The following DLGAP2 variants were observed in gnomAD, a reference collection of about 807,000 sequenced individuals.
DLGAP2 encodes the protein DLG associated protein 2, also known as disks large-associated protein 2.
A neutral mutation model predicts 100.3 loss-of-function variants in DLGAP2; 26 were observed. That is an observed-to-expected ratio of 0.26 (90% CI 0.19 to 0.36). The LOEUF (loss-of-function observed/expected upper bound fraction) is 0.36. DLGAP2 is among the 10% of genes least tolerant of loss of function. DLGAP2 has a pLI of 1.00. For missense variants in DLGAP2, 1,858 were observed against 1,453.2 expected (o/e 1.28, Z -4.53); for synonymous variants, 886 against 630.1 (o/e 1.41, Z -6.08).
intron 3 of DLGAP2, among the ~76,000 whole-genome samples, chr8:1,351,008 C>G (rs1282892131): frequency 1.4e-4 from 5 of 35,756 alleles, no homozygotes; most frequent in South Asian, 1.6e-3. Flanking sequence ...CGGGTCCTGA[C>G]TGTGTGTGGA....
chr8:1,313,730 A>G (rs533601921), intron 3 of DLGAP2, among the ~76,000 whole-genome samples: 4 of 152,298 alleles, frequency 2.6e-5, no homozygotes, highest in East Asian at 1.9e-4. Flanking sequence ...CACAGACTGG[A>G]AAAGGTCAGA....
Position 1,041,643 on chromosome 8 carries a change from C to G in DLGAP2, c.73+133677C>G, listed in dbSNP as rs1415237382. On this transcript the variant is annotated intron_variant, in intron 2 of 14. Transcript: ENST00000637795. ...GCCGTGGGTGAGTGTTCTCCGAGCC[C>G]CTTGCCGTGGGTGAGTGTTCTCCGA... 5.0e-3 allele frequency among the ~76,000 whole-genome samples: 470 copies of G among 93,202 alleles called. 10 individuals carry two copies. Among genetic ancestry groups the G allele is most frequent in the African/African-American group, 0.02 (434 of 22,026 alleles). 61.1% of individuals were successfully genotyped at this position (93,202 alleles called of 152,430 possible).
chr8:1,586,159 G>A (rs1796112056), intron 6 of DLGAP2, among the ~76,000 whole-genome samples: 3 of 152,370 alleles, frequency 2.0e-5, no homozygotes, highest in South Asian at 2.1e-4. Context: ...CCGAGGTGTC[G>A]GCAGCCTGCC....
intron 2 of DLGAP2, among the ~76,000 whole-genome samples, chr8:1,028,197 G>A (rs187465595): frequency 1.3e-4 from 18 of 142,686 alleles, no homozygotes; most frequent in Non-Finnish European, 2.3e-4. Flanking sequence ...GGTGCCAGGC[G>A]CCCATTATTC....
At chr8:820,888 C>T (rs1796571421) in intron 1 of DLGAP2, among the ~76,000 whole-genome samples, 3 of 152,114 alleles carry the variant, frequency 2.0e-5, no homozygotes, top group Non-Finnish European at 2.9e-5. Context: ...CTGTCTGTAC[C>T]GATATGGAGA....
intron 3 of DLGAP2, among the ~76,000 whole-genome samples, chr8:1,288,678 AGTGTGTGT>A (rs1163735040): frequency 1.7e-5 from 2 of 118,384 alleles, no homozygotes; most frequent in Non-Finnish European, 3.4e-5. Context: ...GTTTCGGTTC[AGTGTGTGT>A]GTGTGTGTGT....
intron 7 of DLGAP2, 87 bp downstream of exon 7, chr8:1,626,974 C>A: frequency 6.8e-7 from 1 of 1,469,182 alleles, no homozygotes. Flanking sequence ...GTGGCGATGG[C>A]GCTGCCCTCC....
chr8:950,759 T>C (rs1371983149), intron 2 of DLGAP2, among the ~76,000 whole-genome samples: 3 of 151,836 alleles, frequency 2.0e-5, no homozygotes, highest in Non-Finnish European at 2.9e-5. Flanking sequence ...GTAGCTGGGA[T>C]TACAGGCATG....
intron 2 of DLGAP2, among the ~76,000 whole-genome samples, chr8:1,131,347 C>T (rs555141916): frequency 3.3e-5 from 5 of 152,098 alleles, no homozygotes; most frequent in Non-Finnish European, 7.3e-5. Flanking sequence ...TCTGGATACT[C>T]CAGATCCACG....
intron 3 of DLGAP2, among the ~76,000 whole-genome samples, chr8:1,474,088 C>T (rs891819528): frequency 3.5e-4 from 54 of 152,268 alleles, no homozygotes; most frequent in East Asian, 3.9e-4. Flanking sequence ...TACGCCTTTG[C>T]ATCCTCATCG....
chr8:824,052 CTTCTTCT>C (rs1796639980), intron 1 of DLGAP2, among the ~76,000 whole-genome samples: 1 of 149,748 alleles, frequency 6.7e-6, no homozygotes, highest in African/African-American at 2.5e-5. Context: ...TCTTTTTTTT[CTTCTTCT>C]TCCTCCTCTT....
intron 2 of DLGAP2, among the ~76,000 whole-genome samples, chr8:1,241,260 A>G (rs188890211): frequency 4.9e-5 from 7 of 143,840 alleles, no homozygotes; most frequent in East Asian, 2.1e-4. Context: ...AACCATGTCT[A>G]GTTCTCTCAC....
chr8:869,049 A>C (rs1797550446), intron 1 of DLGAP2, among the ~76,000 whole-genome samples: 1 of 152,212 alleles, frequency 6.6e-6, no homozygotes, highest in Non-Finnish European at 1.5e-5. Context: ...CTGAGTACCA[A>C]GTCAGAAAGC....
intron 3 of DLGAP2, among the ~76,000 whole-genome samples, chr8:1,413,010 C>T (rs1315006310): frequency 6.6e-6 from 1 of 152,074 alleles, no homozygotes; most frequent in African/African-American, 2.4e-5. Context: ...GGGAAAAATC[C>T]TTCAATACCC....
chr8:1,144,572 A>G (rs1182288702), intron 2 of DLGAP2, among the ~76,000 whole-genome samples: 1 of 152,244 alleles, frequency 6.6e-6, no homozygotes, highest in Non-Finnish European at 1.5e-5. Context: ...TACAGGAAAT[A>G]AACGCTCTTT....
At chr8:1,207,639 C>T (rs535835749) in intron 2 of DLGAP2, among the ~76,000 whole-genome samples, 11 of 152,302 alleles carry the variant, frequency 7.2e-5, no homozygotes, top group African/African-American at 2.6e-4. Flanking sequence ...TAAGGAGTCT[C>T]CACACTGTTT....
intron 2 of DLGAP2, among the ~76,000 whole-genome samples, chr8:1,021,999 G>A (rs1801636586): frequency 6.6e-6 from 1 of 152,178 alleles, no homozygotes; most frequent in Non-Finnish European, 1.5e-5. Context: ...ATGTGCGAAA[G>A]CATCATGGAC....
At chr8:1,470,359 C>T (rs1798745602) in intron 3 of DLGAP2, among the ~76,000 whole-genome samples, 1 of 152,174 alleles carries the variant, frequency 6.6e-6, no homozygotes, top group African/African-American at 2.4e-5. Context: ...CCCGCTGGTT[C>T]CTTACAACCT....
chr8:937,436 AG>A (rs1480994310), intron 2 of DLGAP2, among the ~76,000 whole-genome samples: 3 of 152,216 alleles, frequency 2.0e-5, no homozygotes, highest in African/African-American at 7.2e-5. Flanking sequence ...TGACTATGAG[AG>A]AGACTTCTTT....
Sources: allele counts gnomAD v4.1 joint callset (sites outside exome capture counted in the v4.1 genomes callset), GRCh38; gene constraint gnomAD v4.1.1; transcripts MANE v1.5; gene names NCBI Gene and HGNC (gene_info 2026-07-23, HGNC 2026-07-21).